The following MSRA variants were observed in gnomAD, a reference collection of about 807,000 sequenced individuals.
The protein encoded by MSRA is mitochondrial peptide methionine sulfoxide reductase.
In MSRA, 54 loss-of-function variants were observed where a neutral mutation model predicts 31.3. The ratio of observed to expected loss-of-function variants is 1.73; its 90% CI spans 1.39 to 2.17. MSRA has a LOEUF of 2.17. Among genes scored for constraint, MSRA ranks in the 30% most tolerant of loss-of-function variants. The pLI is 0.00. For missense variants in MSRA, 507 were observed against 300.9 expected, an observed-to-expected ratio of 1.69 and a Z score of -5.07; for synonymous variants, 169 against 116.5, an observed-to-expected ratio of 1.45 and a Z score of -2.90.
At chr8:10,413,963 G>A (rs1808310002) in intron 5 of MSRA, among the ~76,000 whole-genome samples, 1 of 152,154 alleles carries the variant, frequency 6.6e-6, no homozygotes, top group South Asian at 2.1e-4. Context: ...CCAGGAGTTT[G>A]AGACAGACCC....
intron 5 of MSRA, among the ~76,000 whole-genome samples, chr8:10,351,276 A>G (rs1287972356): frequency 1.2e-5 from 1 of 80,144 alleles, no homozygotes; most frequent in Admixed American, 1.9e-4. Context: ...TTTTTTTTAG[A>G]CGGAGTCTCG....
intron 3 of MSRA, among the ~76,000 whole-genome samples, chr8:10,288,681 T>TA (rs962209287): frequency 6.6e-6 from 1 of 152,080 alleles, no homozygotes; most frequent in Non-Finnish European, 1.5e-5. Flanking sequence ...TTCCATTTTT[T>TA]AAAAAAAATT....
chr8:10,106,043 C>G (rs896421117), intron 1 of MSRA, among the ~76,000 whole-genome samples: 8 of 152,170 alleles, frequency 5.3e-5, no homozygotes, highest in Non-Finnish European at 1.2e-4. Flanking sequence ...TTCCACAATC[C>G]TATAGGAACC....
chr8:10,095,967 A>C (rs749735373), intron 1 of MSRA: 178 of 1,379,964 alleles, frequency 1.3e-4, no homozygotes, highest in Non-Finnish European at 1.6e-4. Context: ...AATTTTCTAC[A>C]AAATAAAGTT....
chr8:10,159,287 G>T (rs1041426336), intron 1 of MSRA, among the ~76,000 whole-genome samples: 2 of 152,198 alleles, frequency 1.3e-5, no homozygotes, highest in Non-Finnish European at 2.9e-5. Context: ...AGAGCAGGGT[G>T]GGTAGTGGAG....
intron 3 of MSRA, among the ~76,000 whole-genome samples, chr8:10,273,382 C>T (rs2129101949): frequency 6.6e-6 from 1 of 152,284 alleles, no homozygotes; most frequent in East Asian, 1.9e-4. Flanking sequence ...GTTACTTCTA[C>T]CCCCTAGTAG....
At chr8:10,199,371 C>G (rs1181377903) in intron 1 of MSRA, among the ~76,000 whole-genome samples, 1 of 152,178 alleles carries the variant, frequency 6.6e-6, no homozygotes, top group Non-Finnish European at 1.5e-5. Flanking sequence ...CCAGGCTGGA[C>G]TGCAGTGGTG....
intron 5 of MSRA, among the ~76,000 whole-genome samples, chr8:10,389,069 A>G (rs938253810): frequency 1.3e-5 from 2 of 152,142 alleles, no homozygotes; most frequent in Non-Finnish European, 2.9e-5. Flanking sequence ...CCTACTGCTC[A>G]AGGTCATCAC....
At chr8:10,096,724 T>A (rs945213401) in intron 1 of MSRA, among the ~76,000 whole-genome samples, 4 of 152,200 alleles carry the variant, frequency 2.6e-5, no homozygotes, top group Non-Finnish European at 5.9e-5. Flanking sequence ...GAACAATGAA[T>A]CTTTCCTATT....
rs929230985 is a variant in MSRA at position 10,207,757 on chromosome 8, G to A, written c.143-76G>A. 87 of 1,301,786 alleles carry A rather than the reference G, an allele frequency of 6.7e-5. 1 individual carries two copies. The South Asian group carries it at 1.1e-3, about 17-fold the overall frequency. The allele number at this position is 1,301,786 out of a possible 1,614,324, so 80.6% of individuals were successfully genotyped here. A position where few individuals can be genotyped will look rare whatever the true frequency, so the allele number is the denominator to read the frequency against. ...AACTCAAAGGAGAAATAGGCTCATT[G>A]ACACATTTAATGACATGTGTTAGTA... is the stretch of plus-strand genomic sequence containing the variant. On this transcript the variant is annotated intron_variant, in intron 1 of 5. Coordinates refer to ENST00000317173, the MANE Select transcript of MSRA (RefSeq NM_012331.5).
At chr8:10,157,611 A>G (rs1231360139) in intron 1 of MSRA, among the ~76,000 whole-genome samples, 1 of 152,070 alleles carries the variant, frequency 6.6e-6, no homozygotes, top group African/African-American at 2.4e-5. Context: ...GAAAGTTCTC[A>G]TAGGTTTTTT....
chr8:10,090,433 T>A (rs1798798579), intron 1 of MSRA, among the ~76,000 whole-genome samples: 1 of 152,218 alleles, frequency 6.6e-6, no homozygotes, highest in Admixed American at 6.5e-5. Context: ...TAATGTATAG[T>A]ATTGCCTCTG....
At chr8:10,208,694 C>G (rs1809226244) in intron 2 of MSRA, among the ~76,000 whole-genome samples, 1 of 152,158 alleles carries the variant, frequency 6.6e-6, no homozygotes, top group Non-Finnish European at 1.5e-5. Flanking sequence ...CCTCTGTGCT[C>G]TGGAATTTCA....
At chr8:10,207,231 G>A (rs1809072982) in intron 1 of MSRA, among the ~76,000 whole-genome samples, 1 of 152,184 alleles carries the variant, frequency 6.6e-6, no homozygotes, top group Non-Finnish European at 1.5e-5. Flanking sequence ...GACTGGTTAG[G>A]AGGACCTGGG....
At chr8:10,129,356 CT>C (rs1801732952) in intron 1 of MSRA, among the ~76,000 whole-genome samples, 1 of 151,996 alleles carries the variant, frequency 6.6e-6, no homozygotes, top group Non-Finnish European at 1.5e-5. Context: ...TGGACTTGAC[CT>C]GAAAAATGAG....
At chr8:10,371,968 A>T (rs1805502989) in intron 5 of MSRA, among the ~76,000 whole-genome samples, 1 of 151,884 alleles carries the variant, frequency 6.6e-6, no homozygotes, top group South Asian at 2.1e-4. Flanking sequence ...GAGAAGTCTT[A>T]TCATCCTACA....
chr8:10,135,248 G>T (rs1802190000), intron 1 of MSRA, among the ~76,000 whole-genome samples: 1 of 152,206 alleles, frequency 6.6e-6, no homozygotes, highest in Admixed American at 6.5e-5. Context: ...GTGACATTGG[G>T]GGTTGCCTAT....
intron 5 of MSRA, among the ~76,000 whole-genome samples, chr8:10,400,650 G>C (rs574055386): frequency 1.3e-5 from 2 of 152,286 alleles, no homozygotes; most frequent in Non-Finnish European, 2.9e-5. Context: ...TGGTTGCTGA[G>C]GTGGTGGCAG....
chr8:10,337,574 A>G, intron 5 of MSRA: 1 of 634,448 alleles, frequency 1.6e-6, no homozygotes, highest in Non-Finnish European at 2.8e-6. Context: ...TCCATGTTCA[A>G]GCAGATTCCT....
Sources: allele counts gnomAD v4.1 joint callset (sites outside exome capture counted in the v4.1 genomes callset), GRCh38; gene constraint gnomAD v4.1.1; transcripts MANE v1.5; gene names NCBI Gene and HGNC (gene_info 2026-07-23, HGNC 2026-07-21).